The following REV3L variants were observed in gnomAD, a reference collection of about 807,000 sequenced individuals.
The protein encoded by REV3L is DNA polymerase zeta catalytic subunit.
In REV3L, 69 loss-of-function variants were observed where a neutral mutation model predicts 299.4. That is an observed-to-expected ratio of 0.23 (90% CI 0.19 to 0.28). The LOEUF is 0.28. Among genes scored for constraint, REV3L ranks in the 10% least tolerant of loss-of-function variants. The pLI, the probability that REV3L is intolerant of heterozygous loss-of-function variation, is 1.00. For synonymous variants in REV3L, 1,238 were observed against 1,271.4 expected (o/e 0.97, Z 0.56); for missense variants, 3,128 against 3,693.8 (o/e 0.85, Z 3.97).
At chr6:111,357,575 C>A (rs1436403617) in intron 17 of REV3L, among the ~76,000 whole-genome samples, 1 of 152,066 alleles carries the variant, frequency 6.6e-6, no homozygotes, top group African/African-American at 2.4e-5. Context: ...CACCTGTAGT[C>A]CCAGCTACTC....
intron 27 of REV3L, 142 bp downstream of exon 27, chr6:111,315,125 C>T: frequency 1.5e-6 from 1 of 658,594 alleles, no homozygotes; most frequent in Non-Finnish European, 2.5e-6. Context: ...GCCAGGATTA[C>T]AGACATGAGC....
intron 1 of REV3L, among the ~76,000 whole-genome samples, chr6:111,467,557 C>G (rs1319997471): frequency 6.6e-6 from 1 of 152,194 alleles, no homozygotes; most frequent in Non-Finnish European, 1.5e-5. Context: ...CAACCAACCA[C>G]AGATCAAAAA....
chr6:111,375,558 C>G lies in REV3L; in HGVS notation c.2797G>C (p.Glu933Gln). 1 of 1,613,674 alleles carries G rather than the reference C, an allele frequency of 6.2e-7. No individual in the cohort carries two copies. The highest frequency in any genetic ancestry group is 8.5e-7 in the Non-Finnish European group (1 of 1,179,868). Reference protein sequence around the residue: ...RKVNYETEDSESSFVTHNSKI... With the variant: ...RKVNYETEDSQSSFVTHNSKI... ...GAGTTGTGAGTTACAAAACTTGACT[C>G]ACTGTCTTCAGTCTCATAATTTACC... The change falls in exon 13 of 32, where the codon GAG becomes CAG. Residue 933 changes from glutamate (E) to glutamine (Q), a missense_variant. By Grantham distance (29) the Glu-to-Gln change is conservative. Around this residue, in one of 9 missense-constraint regions of REV3L, gnomAD observed 2,409 missense variants for 2,611.8 expected, o/e 0.92. Transcript: ENST00000368802.
chr6:111,386,945 C>A (rs1360282491), intron 9 of REV3L, among the ~76,000 whole-genome samples: 1 of 152,056 alleles, frequency 6.6e-6, no homozygotes, highest in Non-Finnish European at 1.5e-5. Context: ...TGGTTGCCAA[C>A]TCCTGACCTC....
chr6:111,334,348 T>C (rs1271794654), intron 22 of REV3L, among the ~76,000 whole-genome samples: 2 of 152,184 alleles, frequency 1.3e-5, no homozygotes, highest in African/African-American at 4.8e-5. Context: ...AGAAATTTAT[T>C]TGGGAAAATT....
rs1443616261 is a variant in REV3L, at chr6:111,482,811, G to A, written c.78C>T (p.Pro26=). Residue 26 remains proline, a synonymous_variant, in exon 1 of 32, where the codon CCC becomes CCT. Coordinates refer to ENST00000368802, the MANE Select transcript of REV3L (RefSeq NM_001372078.1). ...CCTTCTTGACAGGGGCCTGGGTGAG[G>A]GGGGATTGGCAGGTATCCAGCCCCT... is the stretch of plus-strand genomic sequence containing the variant. ...PLQGLDTCQS[P]LTQAPVKKVP... 1 of 1,509,868 alleles carries A rather than the reference G, an allele frequency of 6.6e-7. No individual in the cohort carries two copies. The highest frequency in any genetic ancestry group is 8.8e-7 in the Non-Finnish European group (1 of 1,133,662). 93.5% of individuals were successfully genotyped at this position (1,509,868 alleles called of 1,614,324 possible).
chr6:111,354,299 C>G (rs1382560359), intron 18 of REV3L: 2 of 152,090 alleles, frequency 1.3e-5, no homozygotes, highest in Non-Finnish European at 2.9e-5. Context: ...GCTATTTGTT[C>G]TGTTGTGGCA....
intron 30 of REV3L, among the ~76,000 whole-genome samples, chr6:111,308,928 C>T (rs1291228623): frequency 6.6e-6 from 1 of 152,232 alleles, no homozygotes; most frequent in African/African-American, 2.4e-5. Context: ...TTTGCTCTCA[C>T]AGTGAAACAG....
intron 1 of REV3L, among the ~76,000 whole-genome samples, chr6:111,444,838 A>T (rs1788654919): frequency 6.6e-6 from 1 of 152,206 alleles, no homozygotes; most frequent in African/African-American, 2.4e-5. Flanking sequence ...CCTTTTTGTC[A>T]TTAGAAAAAT....
At chr6:111,390,725 A>T (rs895910743) in intron 5 of REV3L, among the ~76,000 whole-genome samples, 15 of 152,218 alleles carry the variant, frequency 9.9e-5, no homozygotes, top group African/African-American at 2.9e-4. Flanking sequence ...GATAAAATGT[A>T]TGAATGATCA....
chr6:111,477,516 AG>A (rs1330072963), intron 1 of REV3L, among the ~76,000 whole-genome samples: 1 of 152,196 alleles, frequency 6.6e-6, no homozygotes, highest in Non-Finnish European at 1.5e-5. Context: ...CATTCTCAGC[AG>A]GGGCAACGGC....
intron 12 of REV3L, 53 bp from the exon 13 acceptor site, chr6:111,376,810 A>C: frequency 7.1e-7 from 1 of 1,415,282 alleles, no homozygotes; most frequent in Non-Finnish European, 9.3e-7. Context: ...TTAATTTTTA[A>C]GACATTTTCC....
intron 4 of REV3L, among the ~76,000 whole-genome samples, chr6:111,395,220 A>AT (rs912066585): frequency 2.6e-5 from 4 of 151,466 alleles, no homozygotes; most frequent in East Asian, 1.9e-4. Context: ...GAAGTTTAGA[A>AT]TTTTTTTTTC....
At chr6:111,440,196 A>G (rs1484442231) in intron 1 of REV3L, among the ~76,000 whole-genome samples, 1 of 151,928 alleles carries the variant, frequency 6.6e-6, no homozygotes, top group East Asian at 1.9e-4. Flanking sequence ...CCTCCCTCCT[A>G]GTAGCTGGGA....
chr6:111,335,598 A>C lies in REV3L; in HGVS notation c.7551T>G (p.Val2517=). Residue 2517 remains valine, a synonymous_variant, in exon 22 of 32, where the codon GTT becomes GTG. Transcript: ENST00000368802. The part of the protein sequence containing the change: ...NKTDLYRWKM[V]DHYVSRVRGN... ...CACGGACACGGCTAACATAATGATCAACCATTTTCCATCTGTTAAAAAAGA... is the reference window on the plus strand; with the variant it reads ...CACGGACACGGCTAACATAATGATCCACCATTTTCCATCTGTTAAAAAAGA... The C allele has an allele frequency of 6.2e-7, 1 of 1,609,368 alleles. No homozygotes were observed. Among genetic ancestry groups the C allele is most frequent in the Non-Finnish European group, 8.5e-7 (1 of 1,178,004 alleles).
At position 111,416,479 on chromosome 6, in the gene REV3L, T is replaced by C; in HGVS notation, c.140-7A>G. On this transcript the variant is annotated splice_region_variant and splice_polypyrimidine_tract_variant and intron_variant, in intron 1 of 31. Coordinates refer to ENST00000368802, the MANE Select transcript of REV3L (RefSeq NM_001372078.1). ...TGAAGACATGTCTTCTGACCTAAAA[T>C]GTAACACATTATAAAGTTTAGTTTC... is the stretch of plus-strand genomic sequence containing the variant. The C allele has an allele frequency of 6.2e-7, 1 of 1,604,296 alleles. No individual in the cohort carries two copies. The highest frequency in any genetic ancestry group is 8.5e-7 in the Non-Finnish European group (1 of 1,173,308).
At chr6:111,430,462 C>T in intron 1 of REV3L, 2 of 1,541,966 alleles carry the variant, frequency 1.3e-6, no homozygotes, top group Non-Finnish European at 1.8e-6. Flanking sequence ...TACAATAAAC[C>T]AGAGACCATT....
At chr6:111,416,876 A>T (rs1351203705) in intron 1 of REV3L, among the ~76,000 whole-genome samples, 1 of 152,206 alleles carries the variant, frequency 6.6e-6, no homozygotes, top group Non-Finnish European at 1.5e-5. Flanking sequence ...TCTTGGCATT[A>T]ATGTTTTCAA....
rs1378013654 is a variant in REV3L at position 111,387,655 on chromosome 6, ATATT to A, written c.1096+106_1096+109del. 7 of 1,080,236 alleles carry A rather than the reference ATATT, an allele frequency of 6.5e-6. No individual in the cohort carries two copies. The African/African-American group carries it at 9.5e-5, about 15-fold the overall frequency. The allele number at this position is 1,080,236 out of a possible 1,614,324, so 66.9% of individuals were successfully genotyped here. A position where few individuals can be genotyped will look rare whatever the true frequency, so the allele number is the denominator to read the frequency against. On this transcript the variant is annotated intron_variant, in intron 9 of 31. Coordinates refer to ENST00000368802, the MANE Select transcript of REV3L (RefSeq NM_001372078.1). ...GGGAGAAATTTTTGCTATATCCACA[ATATT>A]TATTTCATAGGGAAAAAAATCCCTA...
Sources: allele counts gnomAD v4.1 joint callset (sites outside exome capture counted in the v4.1 genomes callset), GRCh38; gene constraint gnomAD v4.1.1; regional missense constraint gnomAD v4.1.1; transcripts MANE v1.5; gene names NCBI Gene and HGNC (gene_info 2026-07-23, HGNC 2026-07-21).